CCSER2: variants seen among roughly 807,000 people sequenced by gnomAD.
CCSER2 encodes the protein coiled-coil serine rich protein 2.
In CCSER2, 46 loss-of-function variants were observed where a neutral mutation model predicts 92.3. The observed-to-expected ratio is 0.50, with a 90% CI of 0.39 to 0.64. CCSER2 has a LOEUF of 0.64. Among genes scored for constraint, CCSER2 ranks in the 30% least tolerant of loss-of-function variants. The probability of loss-of-function intolerance (pLI) is 0.00; values close to 1 mark genes in which losing one functional copy is unlikely to be tolerated. For missense variants in CCSER2, 1,244 were observed against 1,238.9 expected (o/e 1.00, Z -0.06); for synonymous variants, 433 against 431.4 (o/e 1.00, Z -0.04).
chr10:84,487,273 C>A (rs962741975), intron 9 of CCSER2, among the ~76,000 whole-genome samples: 2 of 152,124 alleles, frequency 1.3e-5, no homozygotes, highest in African/African-American at 4.8e-5. Context: ...TTTTCCAATT[C>A]TGTGAAGAAA....
intron 6 of CCSER2, among the ~76,000 whole-genome samples, chr10:84,441,256 A>G (rs1209368760): frequency 6.6e-6 from 1 of 152,020 alleles, no homozygotes. Context: ...GTTTCCTGGT[A>G]TATTTTCTCG....
At chr10:84,333,876 ATGTAT>A (rs1415193963) in intron 1 of CCSER2, among the ~76,000 whole-genome samples, 2 of 152,218 alleles carry the variant, frequency 1.3e-5, no homozygotes, top group Admixed American at 1.3e-4. Flanking sequence ...GTTGACTGTG[ATGTAT>A]TGTACCTATT....
intron 3 of CCSER2, chr10:84,391,559 A>ACATAGG: frequency 6.7e-7 from 1 of 1,491,314 alleles, no homozygotes. Context: ...CAACAATGCC[A>ACATAGG]CATAGGCAGT....
chr10:84,448,472 A>G (rs1375518338), intron 6 of CCSER2, among the ~76,000 whole-genome samples: 1 of 152,112 alleles, frequency 6.6e-6, no homozygotes, highest in Non-Finnish European at 1.5e-5. Context: ...TTAGGCTCTG[A>G]AACTTCCTGC....
At chr10:84,339,124 G>GTT (rs57929671) in intron 1 of CCSER2, among the ~76,000 whole-genome samples, 1 of 137,476 alleles carries the variant, frequency 7.3e-6, no homozygotes, top group African/African-American at 2.7e-5. Context: ...TTTTTTTTTT[G>GTT]TTTTTTTTTT....
chr10:84,353,340 A>G (rs1443691501), intron 1 of CCSER2, among the ~76,000 whole-genome samples: 2 of 152,098 alleles, frequency 1.3e-5, no homozygotes, highest in African/African-American at 2.4e-5. Context: ...GCCCCAGGAC[A>G]TTATTCATTT....
intron 3 of CCSER2, chr10:84,391,485 C>T (rs530367206): frequency 1.3e-6 from 2 of 1,556,718 alleles, no homozygotes; most frequent in East Asian, 2.2e-5. Context: ...CATGTTAAGC[C>T]TTGTATAGCT....
At chr10:84,427,027 G>T (rs1843472255) in intron 5 of CCSER2, among the ~76,000 whole-genome samples, 1 of 152,140 alleles carries the variant, frequency 6.6e-6, no homozygotes, top group African/African-American at 2.4e-5. Flanking sequence ...ATAGTACTGT[G>T]ATTTTGCAAA....
intron 1 of CCSER2, among the ~76,000 whole-genome samples, chr10:84,360,581 A>G (rs1589440299): frequency 6.6e-6 from 1 of 152,364 alleles, no homozygotes; most frequent in East Asian, 1.9e-4. Context: ...CTCTTGGTGA[A>G]TTTTACACCA....
At chr10:84,338,016 T>C (rs1472305820) in intron 1 of CCSER2, among the ~76,000 whole-genome samples, 1 of 152,126 alleles carries the variant, frequency 6.6e-6, no homozygotes, top group Non-Finnish European at 1.5e-5. Context: ...GCACGGTGGC[T>C]CAGCCTGTAA....
intron 6 of CCSER2, among the ~76,000 whole-genome samples, chr10:84,444,276 C>T (rs1030366645): frequency 6.6e-6 from 1 of 152,014 alleles, no homozygotes; most frequent in Non-Finnish European, 1.5e-5. Flanking sequence ...GCCAAACAAG[C>T]GACTTGGCCA....
At chr10:84,411,617 G>A (rs536488115) in intron 3 of CCSER2, among the ~76,000 whole-genome samples, 39 of 152,252 alleles carry the variant, frequency 2.6e-4, no homozygotes, top group African/African-American at 7.9e-4. Context: ...CTTGCCGGTT[G>A]TTGGTGTTTA....
At chr10:84,432,644 A>G (rs980873675) in intron 5 of CCSER2, among the ~76,000 whole-genome samples, 1 of 152,230 alleles carries the variant, frequency 6.6e-6, no homozygotes, top group Non-Finnish European at 1.5e-5. Flanking sequence ...TATCAGATAT[A>G]TGTTTTGCAA....
chr10:84,482,163 A>T (rs1430939271), intron 9 of CCSER2, among the ~76,000 whole-genome samples: 1 of 152,132 alleles, frequency 6.6e-6, no homozygotes, highest in African/African-American at 2.4e-5. Flanking sequence ...TGGAGTTCAG[A>T]TTTAGGTGGA....
rs150872667 is a variant in CCSER2, at chr10:84,466,387, A to C, written c.2148+2371A>C. 1.6e-3 allele frequency among the ~76,000 whole-genome samples: 249 copies of C among 152,192 alleles called. 1 individual carries two copies. Among genetic ancestry groups the C allele is most frequent in the African/African-American group, 5.5e-3 (229 of 41,520 alleles). On this transcript the variant is annotated intron_variant, in intron 7 of 9. Coordinates refer to ENST00000372088, the MANE Select transcript of CCSER2 (RefSeq NM_001284240.2). ...ATTCCCTTAATGATCTCTTCCAAAT[A>C]GCTCTCTCCAAGTTCCATGCTTAGC... is the stretch of plus-strand genomic sequence containing the variant.
At chr10:84,486,371 G>T (rs1236694351) in intron 9 of CCSER2, among the ~76,000 whole-genome samples, 1 of 152,172 alleles carries the variant, frequency 6.6e-6, no homozygotes, top group African/African-American at 2.4e-5. Context: ...CAGTGTAAAA[G>T]TGTTCCTATT....
intron 8 of CCSER2, among the ~76,000 whole-genome samples, chr10:84,474,255 T>G (rs1846996447): frequency 6.6e-6 from 1 of 152,196 alleles, no homozygotes; most frequent in Non-Finnish European, 1.5e-5. Context: ...GTATAGTATA[T>G]TTGAAAAACC....
intron 3 of CCSER2, among the ~76,000 whole-genome samples, chr10:84,399,707 A>G (rs996361653): frequency 2.6e-5 from 4 of 151,862 alleles, no homozygotes; most frequent in African/African-American, 9.7e-5. Flanking sequence ...TAGAACTTCT[A>G]ATAATTGGCT....
chr10:84,418,354 T>C (rs2133393451), intron 4 of CCSER2, among the ~76,000 whole-genome samples: 1 of 152,286 alleles, frequency 6.6e-6, no homozygotes, highest in Admixed American at 6.5e-5. Context: ...ACTGCTGGGG[T>C]GAGGCTTTAG....
Sources: allele counts gnomAD v4.1 joint callset (sites outside exome capture counted in the v4.1 genomes callset), GRCh38; gene constraint gnomAD v4.1.1; transcripts MANE v1.5; gene names NCBI Gene and HGNC (gene_info 2026-07-23, HGNC 2026-07-21).